The following SOX5 variants were observed in gnomAD, a reference collection of about 807,000 sequenced individuals.
SOX5 encodes the protein transcription factor SOX-5.
SOX5 carries 9 observed loss-of-function variants against 92.0 expected under a neutral mutation model. The observed-to-expected ratio is 0.10, with a 90% CI of 0.06 to 0.17. SOX5 has a LOEUF of 0.17. SOX5 is among the 10% of genes least tolerant of loss of function. The pLI, the probability that SOX5 is intolerant of heterozygous loss-of-function variation, is 1.00. For synonymous variants in SOX5, 344 were observed against 336.3 expected (o/e 1.02, Z -0.25); for missense variants, 642 against 944.5 (o/e 0.68, Z 4.20).
chr12:23,814,850 T>C (rs1013978932), intron 3 of SOX5, among the ~76,000 whole-genome samples: 1 of 152,192 alleles, frequency 6.6e-6, no homozygotes, highest in Non-Finnish European at 1.5e-5. Context: ...AAAATTCTAT[T>C]CATTTTCCTT....
intron 1 of SOX5, among the ~76,000 whole-genome samples, chr12:24,534,534 A>C (rs1951468882): frequency 6.6e-6 from 1 of 152,208 alleles, no homozygotes. Context: ...TTTTTTAAAA[A>C]ATCAATGTTT....
intron 3 of SOX5, among the ~76,000 whole-genome samples, chr12:23,803,146 G>A (rs1291099743): frequency 6.6e-6 from 1 of 152,114 alleles, no homozygotes; most frequent in Non-Finnish European, 1.5e-5. Flanking sequence ...CACTTCAACT[G>A]TCATTAGTAT....
At chr12:24,004,438 T>C (rs1395960695) in intron 4 of SOX5, among the ~76,000 whole-genome samples, 2 of 151,864 alleles carry the variant, frequency 1.3e-5, no homozygotes, top group East Asian at 3.9e-4. Flanking sequence ...AACAGCTCAA[T>C]TAAAAATTCA....
intron 3 of SOX5, among the ~76,000 whole-genome samples, chr12:23,828,403 C>A (rs2096265758): frequency 2.0e-5 from 3 of 152,122 alleles, no homozygotes; most frequent in Admixed American, 2.0e-4. Flanking sequence ...CTTTCTATAT[C>A]ATTTTTTAAA....
intron 1 of SOX5, among the ~76,000 whole-genome samples, chr12:24,515,062 T>C (rs903499717): frequency 6.6e-6 from 1 of 152,188 alleles, no homozygotes; most frequent in East Asian, 1.9e-4. Context: ...AAAAAGACTA[T>C]TTCAAATATT....
chr12:23,534,652 T>G, intron 14 of SOX5, 130 bp from the exon 15 acceptor site: 1 of 678,086 alleles, frequency 1.5e-6, no homozygotes, highest in South Asian at 2.1e-5. Flanking sequence ...TGCCTAACAT[T>G]TTTCAAACTC....
chr12:24,243,110 T>TA (rs1245421566), intron 3 of SOX5, among the ~76,000 whole-genome samples: 1 of 152,122 alleles, frequency 6.6e-6, no homozygotes, highest in African/African-American at 2.4e-5. Flanking sequence ...CTGAATATTT[T>TA]AAAAAATAGA....
At chr12:23,830,563 G>T (rs1286386654) in intron 3 of SOX5, among the ~76,000 whole-genome samples, 2 of 152,092 alleles carry the variant, frequency 1.3e-5, no homozygotes, top group East Asian at 1.9e-4. Context: ...CTAAACAAAA[G>T]CAACTCAAAC....
chr12:24,222,375 G>A (rs1403822311), intron 3 of SOX5, among the ~76,000 whole-genome samples: 1 of 152,146 alleles, frequency 6.6e-6, no homozygotes, highest in East Asian at 1.9e-4. Flanking sequence ...AGTGGTGAAT[G>A]TGGAATTTTT....
At chr12:23,580,102 A>G (rs1034979191) in intron 9 of SOX5, among the ~76,000 whole-genome samples, 1 of 152,090 alleles carries the variant, frequency 6.6e-6, no homozygotes, top group Non-Finnish European at 1.5e-5. Flanking sequence ...GTAGAAGGCT[A>G]TAATTTACAT....
Position 23,976,757 on chromosome 12 carries a change from C to T in SOX5, c.-1-80733G>A, listed in dbSNP as rs78820838. On this transcript the variant is annotated intron_variant, in intron 4 of 4. Coordinates refer to the SOX5 transcript ENST00000446891. ...GGAAGAACATCAGTCCCGCTGATAA[C>T]TCCCCTTTCAGTGATTCTACTCACT... Among the ~76,000 whole-genome samples, 1,305 of 151,986 alleles carry T rather than the reference C, an allele frequency of 8.6e-3. 22 individuals carry two copies. The highest frequency in any genetic ancestry group is 0.03 in the African/African-American group (1,254 of 41,482).
chr12:24,000,885 A>G (rs942356425), intron 4 of SOX5, among the ~76,000 whole-genome samples: 13 of 152,198 alleles, frequency 8.5e-5, no homozygotes, highest in African/African-American at 2.7e-4. Flanking sequence ...ATCCTAAAAG[A>G]GTTAGGAATT....
intron 1 of SOX5, chr12:23,920,427 T>A (rs771068578): frequency 6.6e-6 from 1 of 152,192 alleles, no homozygotes; most frequent in Non-Finnish European, 1.5e-5. Flanking sequence ...ACTCTCTAGA[T>A]TAGTAATAGA....
At chr12:23,918,891 T>C (rs2097449090) in intron 1 of SOX5, among the ~76,000 whole-genome samples, 1 of 149,234 alleles carries the variant, frequency 6.7e-6, no homozygotes, top group Non-Finnish European at 1.5e-5. Flanking sequence ...CACTCCAGCC[T>C]GGAAAACATA....
intron 4 of SOX5, among the ~76,000 whole-genome samples, chr12:24,094,454 C>CTTTT (rs5797062): frequency 1.6e-4 from 21 of 127,720 alleles, no homozygotes; most frequent in African/African-American, 4.1e-4. Context: ...CTATTAGTGG[C>CTTTT]TTTTTTTTTT....
chr12:24,403,937 A>G (rs1962338838), intron 1 of SOX5, among the ~76,000 whole-genome samples: 1 of 152,240 alleles, frequency 6.6e-6, no homozygotes, highest in Admixed American at 6.5e-5. Context: ...GACAAATACT[A>G]CAAGACTCAA....
At chr12:24,337,936 T>A (rs1952094334) in intron 2 of SOX5, among the ~76,000 whole-genome samples, 1 of 151,986 alleles carries the variant, frequency 6.6e-6, no homozygotes, top group African/African-American at 2.4e-5. Flanking sequence ...ACACACAAAA[T>A]TTTTTTTGCA....
chr12:23,771,300 G>C (rs1441767975), intron 3 of SOX5, among the ~76,000 whole-genome samples: 1 of 151,850 alleles, frequency 6.6e-6, no homozygotes, highest in Non-Finnish European at 1.5e-5. Flanking sequence ...GTAGCTGTTA[G>C]ACATTTTGCA....
intron 4 of SOX5, among the ~76,000 whole-genome samples, chr12:23,975,114 C>T (rs1948758826): frequency 6.6e-6 from 1 of 151,898 alleles, no homozygotes; most frequent in Admixed American, 6.6e-5. Context: ...TCATTTTAGA[C>T]TCCTGTTCAC....
Sources: allele counts gnomAD v4.1 joint callset (sites outside exome capture counted in the v4.1 genomes callset), GRCh38; gene constraint gnomAD v4.1.1; transcripts MANE v1.5; gene names NCBI Gene and HGNC (gene_info 2026-07-23, HGNC 2026-07-21).